Variants in FBXO11 observed in about 807,000 individuals in gnomAD.
FBXO11 encodes F-box only protein 11.
FBXO11 carries 13 observed loss-of-function variants against 117.0 expected under a neutral mutation model. The ratio of observed to expected loss-of-function variants is 0.11; its 90% CI spans 0.07 to 0.18. The LOEUF (loss-of-function observed/expected upper bound fraction) is 0.18, where lower values mean the gene tolerates loss of function less well. Ranked by LOEUF, FBXO11 falls within the 10% of genes least tolerant of loss-of-function variation. The pLI is 1.00. For synonymous variants in FBXO11, 490 were observed against 380.5 expected, an observed-to-expected ratio of 1.29 and a Z score of -3.35; for missense variants, 767 against 1,164.4, an observed-to-expected ratio of 0.66 and a Z score of 4.97.
chr2:47,839,332 C>T (rs925777791), intron 3 of FBXO11, 87 bp downstream of exon 3: 25 of 1,221,964 alleles, frequency 2.0e-5, no homozygotes, highest in Admixed American at 6.8e-5. Context: ...AGGTAATACT[C>T]GAATACACTT....
chr2:47,905,425 C>A (rs1278837459), intron 1 of FBXO11, 64 bp downstream of exon 1: 3 of 1,179,086 alleles, frequency 2.5e-6, no homozygotes, highest in East Asian at 4.1e-5. Flanking sequence ...CCCGCCCGCC[C>A]GCCCCGGCCT....
intron 1 of FBXO11, among the ~76,000 whole-genome samples, chr2:47,875,786 T>C (rs866812467): frequency 6.6e-6 from 1 of 152,194 alleles, no homozygotes; most frequent in South Asian, 2.1e-4. Context: ...ATGAAAATTA[T>C]TCCAACTGAC....
chr2:47,853,329 C>G (rs1056230433), intron 1 of FBXO11, among the ~76,000 whole-genome samples: 5 of 152,072 alleles, frequency 3.3e-5, no homozygotes, highest in Non-Finnish European at 7.4e-5. Flanking sequence ...CTCGGCCTCC[C>G]ACAGTGCTGA....
chr2:47,823,943 C>T (rs905321572), intron 11 of FBXO11, among the ~76,000 whole-genome samples: 16 of 151,956 alleles, frequency 1.1e-4, no homozygotes, highest in Non-Finnish European at 1.6e-4. Flanking sequence ...ACAATCCTCC[C>T]GCCTCAGCCT....
At chr2:47,904,433 T>C (rs1405078926) in intron 1 of FBXO11, among the ~76,000 whole-genome samples, 1 of 152,180 alleles carries the variant, frequency 6.6e-6, no homozygotes, top group African/African-American at 2.4e-5. Context: ...CAAGTAGAAC[T>C]GAACATTATT....
chr2:47,871,862 A>T (rs1283717983), intron 1 of FBXO11, among the ~76,000 whole-genome samples: 1 of 152,258 alleles, frequency 6.6e-6, no homozygotes, highest in Non-Finnish European at 1.5e-5. Flanking sequence ...AAAGTTCTGT[A>T]AACAATCTTT....
chr2:47,853,557 C>A (rs1436080521), intron 1 of FBXO11, among the ~76,000 whole-genome samples: 2 of 152,052 alleles, frequency 1.3e-5, no homozygotes, highest in East Asian at 1.9e-4. Flanking sequence ...TCAAAAAAAA[C>A]TGGCTCTTGG....
At chr2:47,849,356 T>A (rs1673668334) in intron 1 of FBXO11, among the ~76,000 whole-genome samples, 1 of 152,240 alleles carries the variant, frequency 6.6e-6, no homozygotes, top group South Asian at 2.1e-4. Context: ...TAGGATACTG[T>A]TACATAATAC....
chr2:47,851,603 G>C (rs780058518), intron 1 of FBXO11, among the ~76,000 whole-genome samples: 12 of 152,134 alleles, frequency 7.9e-5, no homozygotes, highest in Admixed American at 4.6e-4. Context: ...GTAGGGGAGT[G>C]AGATATGTAA....
At chr2:47,900,444 A>T (rs1399004027) in intron 1 of FBXO11, among the ~76,000 whole-genome samples, 4 of 152,000 alleles carry the variant, frequency 2.6e-5, no homozygotes, top group African/African-American at 9.7e-5. Flanking sequence ...ATGCCACAGA[A>T]AGTATAACTA....
At position 47,808,374 on chromosome 2, in the gene FBXO11, T is replaced by C. The variant is rs1242559915; in HGVS notation, c.2609A>G (p.Lys870Arg). The change falls in exon 22 of 23, where the codon AAG becomes AGG. Residue 870 changes from lysine (K) to arginine (R), a missense_variant. This residue lies in a region of FBXO11 where 47 missense variants were observed against 117.3 expected (regional missense o/e 0.40). Coordinates refer to ENST00000403359, the MANE Select transcript of FBXO11 (RefSeq NM_001190274.2). The part of the protein sequence containing the change: ...DRNAICVNCI[K>R]KCHQGHDVEF... ...TACATCATGTCCCTGATGGCACTTC[T>C]TAATGCAGTTCACACATATGGCATT... 6.2e-7 allele frequency: 1 copy of C among 1,612,390 alleles called. No homozygotes were observed. The highest frequency in any genetic ancestry group is 1.1e-5 in the South Asian group (1 of 90,874).
At chr2:47,849,108 A>G (rs1236316664) in intron 1 of FBXO11, among the ~76,000 whole-genome samples, 1 of 152,242 alleles carries the variant, frequency 6.6e-6, no homozygotes, top group African/African-American at 2.4e-5. Context: ...CACACTTGAC[A>G]ACTGTTTCTA....
At chr2:47,809,311 T>C (rs1558400709) in intron 20 of FBXO11, 45 bp from the exon 21 acceptor site, 2 of 1,296,832 alleles carry the variant, frequency 1.5e-6, no homozygotes, top group Non-Finnish European at 2.2e-6. Flanking sequence ...GGAATGTTAA[T>C]ATTTTAAAAA....
At chr2:47,873,577 C>T (rs867286344) in intron 1 of FBXO11, among the ~76,000 whole-genome samples, 6 of 152,136 alleles carry the variant, frequency 3.9e-5, no homozygotes, top group Admixed American at 2.6e-4. Flanking sequence ...CTCAAAGGCA[C>T]TTGTGTCTCT....
chr2:47,830,902 T>G (rs1330073919), intron 11 of FBXO11, among the ~76,000 whole-genome samples: 1 of 152,084 alleles, frequency 6.6e-6, no homozygotes, highest in Non-Finnish European at 1.5e-5. Context: ...TGGGCTCAAG[T>G]GATCCTCCTG....
At chr2:47,811,982 TTTTAG>T (rs886989217) in intron 18 of FBXO11, among the ~76,000 whole-genome samples, 1 of 149,260 alleles carries the variant, frequency 6.7e-6, no homozygotes, top group African/African-American at 2.4e-5. Context: ...TATGCTATCA[TTTTAG>T]TTTAGGCTCT....
rs115188746 is a variant in FBXO11, at chr2:47,820,572, G to A, written c.1703-116C>T. On this transcript the variant is annotated intron_variant, in intron 13 of 22. Transcript: ENST00000403359. ...ACTAGAATTTTAGTGACCATTACAA[G>A]ACAAAATTAAGAGAACTAGAAGTGT... 2.6e-3 allele frequency: 1,844 copies of A among 699,450 alleles called. 11 individuals are homozygous for A. The highest frequency in any genetic ancestry group is 0.018 in the African/African-American group (1,020 of 56,070). The allele number at this position is 699,450 out of a possible 1,614,324, so 43.3% of individuals were successfully genotyped here.
At chr2:47,856,854 C>T (rs1369436343) in intron 1 of FBXO11, among the ~76,000 whole-genome samples, 2 of 152,116 alleles carry the variant, frequency 1.3e-5, no homozygotes, top group Admixed American at 6.5e-5. Flanking sequence ...CCACGAATGT[C>T]GTAATACAAA....
intron 1 of FBXO11, among the ~76,000 whole-genome samples, chr2:47,894,065 C>T (rs1424649256): frequency 2.6e-5 from 4 of 152,170 alleles, no homozygotes; most frequent in Non-Finnish European, 5.9e-5. Context: ...CAAGTAGTTC[C>T]TGATGAACAG....
Sources: gnomAD v4.1 joint callset for allele counts (sites outside exome capture counted in the v4.1 genomes callset) on GRCh38, gnomAD v4.1.1 for gene constraint, gnomAD v4.1.1 regional missense constraint, MANE v1.5 for transcripts, NCBI Gene and HGNC (gene_info 2026-07-23, HGNC 2026-07-21) for gene names.